The following TTC29 variants were observed in gnomAD, a reference collection of about 807,000 sequenced individuals.
The protein encoded by TTC29 is tetratricopeptide repeat domain 29.
In TTC29, 49 loss-of-function variants were observed where a neutral mutation model predicts 58.1. The ratio of observed to expected loss-of-function variants is 0.84; its 90% CI spans 0.67 to 1.07. TTC29 has a LOEUF of 1.07. TTC29 is among the 50% of genes least tolerant of loss of function. The probability of loss-of-function intolerance (pLI) is 0.00; values close to 1 mark genes in which losing one functional copy is unlikely to be tolerated. For synonymous variants in TTC29, 209 were observed against 196.8 expected (o/e 1.06, Z -0.52); for missense variants, 582 against 555.6 (o/e 1.05, Z -0.48).
intron 6 of TTC29, among the ~76,000 whole-genome samples, chr4:146,884,284 C>T (rs1018173747): frequency 6.6e-6 from 1 of 152,042 alleles, no homozygotes; most frequent in African/African-American, 2.4e-5. Flanking sequence ...GTTGGACGCA[C>T]CTTCGAAAAT....
chr4:146,928,244 G>T (rs528444659), intron 4 of TTC29, among the ~76,000 whole-genome samples: 31 of 152,252 alleles, frequency 2.0e-4, no homozygotes, highest in African/African-American at 7.2e-4. Flanking sequence ...GACCCAGACT[G>T]CCTAGATTCA....
At chr4:146,783,538 T>C (rs1007350388) in intron 11 of TTC29, among the ~76,000 whole-genome samples, 1 of 152,054 alleles carries the variant, frequency 6.6e-6, no homozygotes, top group African/African-American at 2.4e-5. Context: ...AAAATATAAA[T>C]CTAGAATAAT....
chr4:146,773,824 G>A (rs1289179499), intron 11 of TTC29, among the ~76,000 whole-genome samples: 1 of 151,594 alleles, frequency 6.6e-6, no homozygotes, highest in African/African-American at 2.4e-5. Flanking sequence ...AATGGCACCA[G>A]CTCTTCTTTA....
At chr4:146,938,942 A>G (rs28541686) in intron 3 of TTC29, among the ~76,000 whole-genome samples, 3,346 of 152,322 alleles carry the variant, frequency 0.022, 107 homozygotes, top group African/African-American at 0.075. Context: ...TATGATAATT[A>G]TGACAAAATG....
At chr4:146,801,143 T>A (rs1347013705) in intron 11 of TTC29, among the ~76,000 whole-genome samples, 11 of 152,198 alleles carry the variant, frequency 7.2e-5, no homozygotes, top group African/African-American at 2.4e-4. Flanking sequence ...GAAGCTTGTA[T>A]TTAATGAACA....
intron 5 of TTC29, among the ~76,000 whole-genome samples, chr4:146,907,070 T>C (rs1250706813): frequency 1.3e-5 from 2 of 152,196 alleles, no homozygotes; most frequent in East Asian, 3.8e-4. Context: ...TGCAGTGAGC[T>C]GAGATCACAT....
intron 7 of TTC29, among the ~76,000 whole-genome samples, chr4:146,870,633 T>C (rs955109569): frequency 1.3e-5 from 2 of 151,888 alleles, no homozygotes; most frequent in African/African-American, 2.4e-5. Flanking sequence ...CCTTAAATTA[T>C]TAAAATCAAG....
At chr4:146,776,663 C>T (rs1748120675) in intron 11 of TTC29, among the ~76,000 whole-genome samples, 1 of 152,180 alleles carries the variant, frequency 6.6e-6, no homozygotes, top group South Asian at 2.1e-4. Context: ...TGCTCCTGGT[C>T]CGCTGGCCAC....
chr4:146,907,839 TA>T (rs1160760511), intron 5 of TTC29, among the ~76,000 whole-genome samples: 1 of 152,144 alleles, frequency 6.6e-6, no homozygotes, highest in Non-Finnish European at 1.5e-5. Flanking sequence ...TTATTTACAA[TA>T]GTTAATTTCT....
In TTC29 at chr4:146,771,186, A is replaced by G. The variant is rs145297737; in HGVS notation, c.1330+32271T>C. ...AGAGCTAAGCCTTCATTATTAAGAA[A>G]CATGTGGACTTTAGTTGTCAGTTTT... On this transcript the variant is annotated intron_variant, in intron 11 of 12. Coordinates refer to ENST00000325106, the MANE Select transcript of TTC29 (RefSeq NM_031956.4). Among the ~76,000 whole-genome samples the G allele has an allele frequency of 4.6e-5, 7 of 152,220 alleles. No homozygotes were observed. In the East Asian group the frequency reaches 1.3e-3, roughly 29 times the overall value.
At chr4:146,867,407 T>C in intron 8 of TTC29, 91 bp downstream of exon 8, 1 of 594,814 alleles carries the variant, frequency 1.7e-6, no homozygotes, top group Non-Finnish European at 2.7e-6. Context: ...GCCTAACTCA[T>C]TTCTATTGGC....
chr4:146,796,571 T>G (rs1749850044), intron 11 of TTC29, among the ~76,000 whole-genome samples: 2 of 152,076 alleles, frequency 1.3e-5, no homozygotes. Context: ...GAAAAAAAAT[T>G]TTAGATTTTT....
At chr4:146,777,006 G>A (rs1346948941) in intron 11 of TTC29, among the ~76,000 whole-genome samples, 1 of 152,154 alleles carries the variant, frequency 6.6e-6, no homozygotes, top group Admixed American at 6.5e-5. Context: ...TGGCGGTGGT[G>A]GTGGCGGTGG....
In TTC29 at chr4:146,820,220, A is replaced by T; in HGVS notation, c.1006T>A (p.Tyr336Asn). Residue 336 changes from tyrosine to asparagine, a missense_variant, in exon 10 of 13, where the codon TAC becomes AAC. Tyr to Asn is a moderately radical substitution (Grantham distance 143). Coordinates refer to ENST00000325106, the MANE Select transcript of TTC29 (RefSeq NM_031956.4). ...GCAATTTTCACAAATTTTTTCAAGTATTTAATTGCTTCTGTCATCTCTCCT... is the reference window on the plus strand; with the variant it reads ...GCAATTTTCACAAATTTTTTCAAGTTTTTAATTGCTTCTGTCATCTCTCCT... ...SQGEMTEAIK[Y>N]LKKFVKIARN... 6.2e-7 allele frequency: 1 copy of T among 1,612,678 alleles called. No individual in the cohort carries two copies. The highest frequency in any genetic ancestry group is 8.5e-7 in the Non-Finnish European group (1 of 1,179,724).
intron 4 of TTC29, among the ~76,000 whole-genome samples, chr4:146,916,183 G>A (rs73852740): frequency 0.015 from 2,268 of 151,358 alleles, 50 homozygotes; most frequent in African/African-American, 0.051. Context: ...TATGTATATC[G>A]TAATCAGAAT....
intron 11 of TTC29, among the ~76,000 whole-genome samples, chr4:146,763,362 CTT>C (rs926113843): frequency 6.6e-6 from 1 of 152,006 alleles, no homozygotes; most frequent in African/African-American, 2.4e-5. Context: ...CTATTTCTGA[CTT>C]TTTTAACTAC....
chr4:146,772,072 C>T (rs1192070095), intron 11 of TTC29, among the ~76,000 whole-genome samples: 1 of 152,016 alleles, frequency 6.6e-6, no homozygotes, highest in Non-Finnish European at 1.5e-5. Flanking sequence ...CTGTTCATGT[C>T]CTTTGCTCAC....
At chr4:146,779,140 T>C (rs1246557482) in intron 11 of TTC29, among the ~76,000 whole-genome samples, 1 of 151,992 alleles carries the variant, frequency 6.6e-6, no homozygotes, top group Non-Finnish European at 1.5e-5. Flanking sequence ...TTAAAAATAA[T>C]TTATAGCTAT....
intron 11 of TTC29, among the ~76,000 whole-genome samples, chr4:146,769,271 G>T (rs999042814): frequency 1.3e-5 from 2 of 151,794 alleles, no homozygotes; most frequent in African/African-American, 4.8e-5. Flanking sequence ...GAATATTTTT[G>T]ACTTTCCTTT....
Sources: gnomAD v4.1 joint callset for allele counts (sites outside exome capture counted in the v4.1 genomes callset) on GRCh38, gnomAD v4.1.1 for gene constraint, MANE v1.5 for transcripts, NCBI Gene and HGNC (gene_info 2026-07-23, HGNC 2026-07-21) for gene names.